MPRIP: variants seen among roughly 807,000 people sequenced by gnomAD.
The protein encoded by MPRIP is myosin phosphatase Rho interacting protein.
MPRIP carries 59 observed loss-of-function variants against 234.9 expected under a neutral mutation model. That is an observed-to-expected ratio of 0.25 (90% CI 0.20 to 0.31). The LOEUF is 0.31. MPRIP is among the 10% of genes least tolerant of loss of function. The pLI is 1.00. For synonymous variants in MPRIP, 1,144 were observed against 1,263.9 expected, an observed-to-expected ratio of 0.91 and a Z score of 2.01; for missense variants, 2,436 against 3,071.0, an observed-to-expected ratio of 0.79 and a Z score of 4.89.
chr17:17,117,106 C>T (rs1006932806), intron 3 of MPRIP, among the ~76,000 whole-genome samples: 5 of 152,204 alleles, frequency 3.3e-5, no homozygotes, highest in Admixed American at 2.0e-4. Flanking sequence ...GGGTAGAAGA[C>T]GGAACATGCC....
intron 1 of MPRIP, among the ~76,000 whole-genome samples, chr17:17,063,521 G>A (rs1383250071): frequency 1.3e-5 from 2 of 152,122 alleles, no homozygotes; most frequent in African/African-American, 2.4e-5. Flanking sequence ...GACCATAGAG[G>A]GCCTTCTGGG....
chr17:17,115,089 C>G (rs537144838), intron 3 of MPRIP, among the ~76,000 whole-genome samples: 6 of 152,402 alleles, frequency 3.9e-5, no homozygotes, highest in African/African-American at 1.4e-4. Context: ...TGCATTGTTG[C>G]TGCTGGCATT....
chr17:17,130,209 T>G (rs1328823343), intron 4 of MPRIP, among the ~76,000 whole-genome samples: 1 of 152,184 alleles, frequency 6.6e-6, no homozygotes, highest in Non-Finnish European at 1.5e-5. Flanking sequence ...CCCTCAGCTC[T>G]GTTGCTGTGG....
At position 17,180,071 on chromosome 17, in the gene MPRIP, A is replaced by G. The variant is rs1447733070; in HGVS notation, c.7189A>G (p.Arg2397Gly). The stretch of plus-strand genomic sequence containing the variant: ...CAGATCCTGTGTCACCCGGCAACTC[A>G]GAAACATCAGGTCCAAGGTGAGTCT... ...KDRSCVTRQL[R>G]NIRSKSLKEG... is the part of the protein sequence containing the mutation. The change falls in exon 23 of 24, where the codon AGA (arginine) becomes GGA (glycine). Residue 2397 changes from arginine to glycine, a missense_variant. Transcript: ENST00000651222. 2 of 1,593,868 alleles carry G rather than the reference A, an allele frequency of 1.3e-6. No individual in the cohort carries two copies. The highest frequency in any genetic ancestry group is 1.9e-5 in the Admixed American group (1 of 53,310).
chr17:17,104,078 G>A (rs1186729632), intron 3 of MPRIP, among the ~76,000 whole-genome samples: 1 of 152,128 alleles, frequency 6.6e-6, no homozygotes, highest in Non-Finnish European at 1.5e-5. Flanking sequence ...TTTGATTTGT[G>A]TCAGATATTC....
intron 3 of MPRIP, among the ~76,000 whole-genome samples, chr17:17,083,599 CT>C (rs1157565371): frequency 6.6e-6 from 1 of 152,216 alleles, no homozygotes; most frequent in Non-Finnish European, 1.5e-5. Context: ...GTTTCTCTCC[CT>C]TTTCTGCAGC....
intron 22 of MPRIP, among the ~76,000 whole-genome samples, chr17:17,178,055 G>A (rs2046294463): frequency 6.6e-6 from 1 of 151,882 alleles, no homozygotes; most frequent in South Asian, 2.1e-4. Flanking sequence ...CCAGTAGCTG[G>A]GACTACAGGA....
chr17:17,171,876 G>A lies in MPRIP; in HGVS notation c.6472+11G>A. On this transcript the variant is annotated intron_variant, in intron 17 of 23. Transcript: ENST00000651222. ...CGGCCACCATCTCAGGTTGGGGGGT[G>A]GGGTAACCCTGAGGGCAGGGTGGGT... is the stretch of plus-strand genomic sequence containing the variant. The A allele has an allele frequency of 1.2e-6, 2 of 1,610,602 alleles. No individual in the cohort carries two copies. The highest frequency in any genetic ancestry group is 2.2e-5 in the East Asian group (1 of 44,868).
intron 1 of MPRIP, among the ~76,000 whole-genome samples, chr17:17,044,565 C>A (rs2088286031): frequency 1.3e-5 from 2 of 152,096 alleles, no homozygotes; most frequent in South Asian, 4.1e-4. Flanking sequence ...CCAAAAAAAC[C>A]TGCCACTTTA....
intron 2 of MPRIP, chr17:17,077,800 G>T: frequency 5.8e-6 from 3 of 516,286 alleles, no homozygotes; most frequent in Non-Finnish European, 1.1e-5. Flanking sequence ...AATCACTCAT[G>T]TGATTTGGGC....
chr17:17,133,255 G>T (rs140721566), intron 5 of MPRIP, among the ~76,000 whole-genome samples: 1 of 152,310 alleles, frequency 6.6e-6, no homozygotes, highest in African/African-American at 2.4e-5. Context: ...AGACAACCTT[G>T]CGGGGTCTCT....
chr17:17,171,723 G>C lies in MPRIP; in HGVS notation c.6330G>C (p.Thr2110=), dbSNP rs533747946. The change falls in exon 17 of 24, where the codon ACG becomes ACC. Residue 2110 remains threonine (T), a synonymous_variant. Transcript: ENST00000651222. The part of the protein sequence containing the change: ...YQRDLESLKA[T]CERGFAAMEE... The stretch of plus-strand genomic sequence containing the variant: ...GTCCCTTTTGCATTTTGCAGGCCAC[G>C]TGCGAGCGAGGGTTTGCAGCAATGG... The C allele has an allele frequency of 1.2e-6, 2 of 1,612,238 alleles. No individual in the cohort carries two copies. Among genetic ancestry groups the C allele is most frequent in the East Asian group, 4.5e-5 (2 of 44,888 alleles).
intron 3 of MPRIP, among the ~76,000 whole-genome samples, chr17:17,104,252 A>T (rs1281464999): frequency 6.6e-6 from 1 of 152,178 alleles, no homozygotes; most frequent in Non-Finnish European, 1.5e-5. Context: ...TGCACCATCT[A>T]ACATGGTGCC....
At chr17:17,085,280 A>G (rs1248018639) in intron 3 of MPRIP, among the ~76,000 whole-genome samples, 3 of 151,970 alleles carry the variant, frequency 2.0e-5, no homozygotes, top group South Asian at 2.1e-4. Context: ...GCTCATTTCT[A>G]TTTCTGTGCT....
At chr17:17,162,906 A>G (rs765600096) in intron 15 of MPRIP, among the ~76,000 whole-genome samples, 7 of 152,238 alleles carry the variant, frequency 4.6e-5, no homozygotes, top group Admixed American at 4.6e-4. Flanking sequence ...CTCAACTTGT[A>G]CTAAGCAGCG....
chr17:17,112,726 C>T lies in MPRIP; in HGVS notation c.268-13976C>T, dbSNP rs1283592197. 2.6e-5 allele frequency among the ~76,000 whole-genome samples: 4 copies of T among 152,230 alleles called. No homozygotes were observed. The East Asian group carries it at 7.7e-4, about 29-fold the overall frequency. On this transcript the variant is annotated intron_variant, in intron 3 of 23. Coordinates refer to ENST00000651222, the MANE Select transcript of MPRIP (RefSeq NM_001364716.4). ...CAGCCTCCTGAGGACAGGGCTGCAA[C>T]TGGGCTGTGGGTTGGTGCCACTGGA...
At chr17:17,047,983 C>T (rs1201619922) in intron 1 of MPRIP, among the ~76,000 whole-genome samples, 2 of 151,930 alleles carry the variant, frequency 1.3e-5, no homozygotes, top group Non-Finnish European at 2.9e-5. Context: ...GAGGGGTGGG[C>T]ATTAGTGGGA....
chr17:17,086,384 G>A (rs1191680450), intron 3 of MPRIP, among the ~76,000 whole-genome samples: 1 of 152,210 alleles, frequency 6.6e-6, no homozygotes, highest in African/African-American at 2.4e-5. Context: ...TCTTGATTTG[G>A]TCATGACAAT....
At chr17:17,072,270 C>CT (rs1207951845) in intron 1 of MPRIP, among the ~76,000 whole-genome samples, 1 of 152,166 alleles carries the variant, frequency 6.6e-6, no homozygotes, top group Non-Finnish European at 1.5e-5. Flanking sequence ...GACAGGTTGT[C>CT]TGAGTCAGGA....
Sources: allele counts gnomAD v4.1 joint callset (sites outside exome capture counted in the v4.1 genomes callset), GRCh38; gene constraint gnomAD v4.1.1; transcripts MANE v1.5; gene names NCBI Gene and HGNC (gene_info 2026-07-23, HGNC 2026-07-21).